UBE4B: variants seen among roughly 807,000 people sequenced by gnomAD.
UBE4B encodes the protein ubiquitin conjugation factor E4 B.
UBE4B carries 27 observed loss-of-function variants against 148.1 expected under a neutral mutation model. The ratio of observed to expected loss-of-function variants is 0.18; its 90% CI spans 0.13 to 0.25. The LOEUF (loss-of-function observed/expected upper bound fraction) is 0.25. Ranked by LOEUF, UBE4B falls within the 10% of genes least tolerant of loss-of-function variation. The probability of loss-of-function intolerance (pLI) is 1.00; values close to 1 mark genes in which losing one functional copy is unlikely to be tolerated. For synonymous variants in UBE4B, 596 were observed against 619.3 expected (o/e 0.96, Z 0.56); for missense variants, 1,170 against 1,662.4 (o/e 0.70, Z 5.15).
chr1:10,051,580 A>T (rs1005047461), intron 1 of UBE4B, among the ~76,000 whole-genome samples: 1 of 152,162 alleles, frequency 6.6e-6, no homozygotes, highest in Non-Finnish European at 1.5e-5. Flanking sequence ...CCCAGGGGCC[A>T]TCTTTTGTAT....
rs1646152088 is a variant in UBE4B, at chr1:10,161,084, C to G, written c.3054-58C>G. 2 of 1,581,626 alleles carry G rather than the reference C, an allele frequency of 1.3e-6. No individual in the cohort carries two copies. The highest frequency in any genetic ancestry group is 1.7e-5 in the Admixed American group (1 of 58,490). Reference sequence around the variant, plus strand: ...GGAGGTGCTTGTTCCCTGGGATTTGCTGTGGCATTTTGCTTCAGGGAGATG... The same window carrying G: ...GGAGGTGCTTGTTCCCTGGGATTTGGTGTGGCATTTTGCTTCAGGGAGATG... On this transcript the variant is annotated intron_variant, in intron 22 of 27. Coordinates refer to ENST00000343090, the MANE Select transcript of UBE4B (RefSeq NM_001105562.3). This position sits in a 1 kb window ranked among gnomAD's most constrained non-coding sequence, Gnocchi z 4.1.
In UBE4B at chr1:10,168,245, A is replaced by T. The variant is rs774789457; in HGVS notation, c.3308A>T (p.Gln1103Leu). Residue 1103 changes from glutamine (Q) to leucine (L), a missense_variant, in exon 24 of 28, where the codon CAG becomes CTG. By Grantham distance (113) the Gln-to-Leu change is moderately radical. Coordinates refer to ENST00000343090, the MANE Select transcript of UBE4B (RefSeq NM_001105562.3). This position sits in a 1 kb window ranked among gnomAD's most constrained non-coding sequence, Gnocchi z 4.9. ...TVDMFHILTK[Q>L]VQKPFLRPEL... is the part of the protein sequence containing the mutation. ...GACATGTTCCACATCCTCACGAAGC[A>T]GGTCCAGAAGCCCTTCCTCAGACCG... is the stretch of plus-strand genomic sequence containing the variant. 1.2e-6 allele frequency: 2 copies of T among 1,614,148 alleles called. No homozygotes were observed. Among genetic ancestry groups the T allele is most frequent in the South Asian group, 2.2e-5 (2 of 91,068 alleles).
chr1:10,112,748 T>G (rs1645242890), intron 7 of UBE4B, among the ~76,000 whole-genome samples: 1 of 152,228 alleles, frequency 6.6e-6, no homozygotes, highest in South Asian at 2.1e-4. Flanking sequence ...AATTTGAATC[T>G]ACCTCTTTCA....
intron 1 of UBE4B, among the ~76,000 whole-genome samples, chr1:10,065,322 A>G (rs538636899): frequency 9.5e-4 from 145 of 152,260 alleles, no homozygotes; most frequent in Non-Finnish European, 1.1e-3. Flanking sequence ...GATATAGAGC[A>G]GTTATGGGGC....
intron 25 of UBE4B, among the ~76,000 whole-genome samples, chr1:10,176,943 G>A (rs866634914): frequency 1.3e-5 from 2 of 151,356 alleles, no homozygotes; most frequent in Admixed American, 6.6e-5. Flanking sequence ...GCACCATCAC[G>A]CCTGGCTAAT....
chr1:10,036,794 A>G lies in UBE4B; in HGVS notation c.24+3100A>G, dbSNP rs1264019424. Among the ~76,000 whole-genome samples the G allele has an allele frequency of 2.0e-5, 3 of 152,178 alleles. No homozygotes were observed. In the East Asian group the frequency reaches 5.8e-4, roughly 29 times the overall value. ...CATTGATTTGATTACAAAATAATAC[A>G]CTTATATTATTGAAACTTCAAGCTT... On this transcript the variant is annotated intron_variant, in intron 1 of 27. Transcript: ENST00000343090.
At chr1:10,044,181 G>A (rs1643871219) in intron 1 of UBE4B, among the ~76,000 whole-genome samples, 2 of 152,112 alleles carry the variant, frequency 1.3e-5, no homozygotes, top group African/African-American at 4.8e-5. Context: ...GAGTAGCTGG[G>A]ATTATAGGTG....
intron 25 of UBE4B, among the ~76,000 whole-genome samples, chr1:10,173,232 A>C (rs1646363406): frequency 6.6e-6 from 1 of 152,096 alleles, no homozygotes; most frequent in African/African-American, 2.4e-5. Context: ...TAATCCCAGC[A>C]CTTTGGGAGG....
chr1:10,153,023 G>A (rs142097597), intron 21 of UBE4B, among the ~76,000 whole-genome samples: 118 of 151,972 alleles, frequency 7.8e-4, no homozygotes, highest in Admixed American at 1.8e-3. Flanking sequence ...AGCTCTGGGG[G>A]TACGAGACAA....
At chr1:10,064,142 C>G (rs1051454646) in intron 1 of UBE4B, among the ~76,000 whole-genome samples, 3 of 152,132 alleles carry the variant, frequency 2.0e-5, no homozygotes, top group African/African-American at 4.8e-5. Context: ...CACAAAGCCT[C>G]CCAATCTCTG....
chr1:10,154,411 C>T (rs1191508871), intron 21 of UBE4B, among the ~76,000 whole-genome samples: 1 of 151,790 alleles, frequency 6.6e-6, no homozygotes, highest in Non-Finnish European at 1.5e-5. Context: ...TTTGGAGCTA[C>T]GAGACAACAG....
At position 10,106,290 on chromosome 1, in the gene UBE4B, C is replaced by G; in HGVS notation, c.903C>G (p.Ser301Arg). The part of the protein sequence containing the change: ...PSLASPSRAA[S>R]QLAVPSTPLS... ...TTGCCTCACCTTCCCGTGCAGCCAG[C>G]CAGTTGGCTGTGCCTTCCACTCCCC... The change falls in exon 7 of 28, where the codon AGC becomes AGG. Residue 301 changes from serine to arginine, a missense_variant. Ser to Arg is a moderately radical substitution (Grantham distance 110). This residue lies in a region of UBE4B where 214 missense variants were observed against 209.1 expected (regional missense o/e 1.02). Transcript: ENST00000343090. The surrounding 1 kb of genome is among the most constrained non-coding windows in gnomAD (Gnocchi z 4.2). 1.9e-6 allele frequency: 3 copies of G among 1,614,142 alleles called. No homozygotes were observed. The highest frequency in any genetic ancestry group is 2.5e-6 in the Non-Finnish European group (3 of 1,180,022).
intron 17 of UBE4B, 114 bp downstream of exon 17, chr1:10,137,319 A>G (rs1023622396): frequency 1.5e-4 from 200 of 1,372,738 alleles, no homozygotes; most frequent in Non-Finnish European, 1.9e-4. Flanking sequence ...TGTACGTTAT[A>G]TAGTGTTCTG....
chr1:10,137,354 T>TGGCGG, intron 17 of UBE4B, 149 bp downstream of exon 17: 2 of 1,017,024 alleles, frequency 2.0e-6, no homozygotes, highest in Non-Finnish European at 1.4e-6. Flanking sequence ...CACATCCATG[T>TGGCGG]TGCTCAGTTG....
chr1:10,093,868 T>C (rs1644888041), intron 2 of UBE4B, among the ~76,000 whole-genome samples: 1 of 151,968 alleles, frequency 6.6e-6, no homozygotes, highest in African/African-American at 2.4e-5. Context: ...CTAATTTTTG[T>C]ATTTTAACTA....
At chr1:10,050,721 C>CTTT (rs1174636299) in intron 1 of UBE4B, among the ~76,000 whole-genome samples, 1 of 133,418 alleles carries the variant, frequency 7.5e-6, no homozygotes, top group Non-Finnish European at 1.6e-5. Context: ...GACTCCTATT[C>CTTT]TTTTTTTTTT....
At chr1:10,057,939 G>C (rs1254509533) in intron 1 of UBE4B, among the ~76,000 whole-genome samples, 1 of 152,116 alleles carries the variant, frequency 6.6e-6, no homozygotes, top group Non-Finnish European at 1.5e-5. Context: ...TAGGTAAAGA[G>C]AGGAGAAGGA....
At chr1:10,122,280 A>G (rs1417222358) in intron 10 of UBE4B, among the ~76,000 whole-genome samples, 2 of 152,208 alleles carry the variant, frequency 1.3e-5, no homozygotes, top group African/African-American at 4.8e-5. Context: ...TCAGTCAAAC[A>G]TCTATCTTCT....
intron 1 of UBE4B, among the ~76,000 whole-genome samples, chr1:10,068,963 C>T (rs1315741923): frequency 6.6e-6 from 1 of 152,210 alleles, no homozygotes; most frequent in Admixed American, 6.5e-5. Context: ...TCTCCTACTC[C>T]TTCTGTCATG....
Sources: allele counts gnomAD v4.1 joint callset (sites outside exome capture counted in the v4.1 genomes callset), GRCh38; gene constraint gnomAD v4.1.1; regional missense constraint gnomAD v4.1.1; non-coding constraint Gnocchi (gnomAD v3.1); transcripts MANE v1.5; gene names NCBI Gene and HGNC (gene_info 2026-07-23, HGNC 2026-07-21).